DHRS12: variants seen among roughly 807,000 people sequenced by gnomAD.
DHRS12 encodes dehydrogenase/reductase 12, also known as dehydrogenase/reductase SDR family member 12.
A neutral mutation model predicts 32.1 loss-of-function variants in DHRS12; 29 were observed. That is an observed-to-expected ratio of 0.90 (90% CI 0.67 to 1.23). The LOEUF (loss-of-function observed/expected upper bound fraction) is 1.23. DHRS12 is among the 50% of genes most tolerant of loss of function. The pLI, the probability that DHRS12 is intolerant of heterozygous loss-of-function variation, is 0.00. For missense variants in DHRS12, 330 were observed against 337.2 expected, an observed-to-expected ratio of 0.98 and a Z score of 0.17; for synonymous variants, 150 against 135.9, an observed-to-expected ratio of 1.10 and a Z score of -0.72.
Position 51,768,046 on chromosome 13 carries a change from C to G in DHRS12, c.*141G>C. 7.0e-7 allele frequency: 1 copy of G among 1,436,050 alleles called. No homozygotes were observed. The highest frequency in any genetic ancestry group is 9.1e-7 in the Non-Finnish European group (1 of 1,099,150). The allele number at this position is 1,436,050 out of a possible 1,614,324, so 89.0% of individuals were successfully genotyped here. On this transcript the variant is annotated 3_prime_UTR_variant, in exon 9 of 9. Coordinates refer to ENST00000444610, the MANE Select transcript of DHRS12 (RefSeq NM_001377533.1). Reference sequence around the variant, plus strand: ...TAGTATTTATTTTGAAATAAAAGTTCCCATCCCTTGTAGGCCTCGCTGTGA... The same window carrying G: ...TAGTATTTATTTTGAAATAAAAGTTGCCATCCCTTGTAGGCCTCGCTGTGA...
chr13:51,797,479 G>A (rs975081132), intron 2 of DHRS12, among the ~76,000 whole-genome samples: 2 of 152,154 alleles, frequency 1.3e-5, no homozygotes, highest in Non-Finnish European at 2.9e-5. Context: ...GCATGGCTCC[G>A]TGGCACCCGG....
downstream of DHRS12, chr13:51,767,362 A>C (rs542464931): frequency 3.0e-4 from 45 of 152,350 alleles, no homozygotes; most frequent in Admixed American, 2.7e-3. Flanking sequence ...CTGATGTTTC[A>C]GGCTGGCACA....
chr13:51,792,478 C>A (rs190635819), intron 2 of DHRS12, among the ~76,000 whole-genome samples: 407 of 152,220 alleles, frequency 2.7e-3, no homozygotes, highest in Middle Eastern at 0.01. Context: ...TGGCTCACTG[C>A]AACCTCCGCC....
intron 2 of DHRS12, among the ~76,000 whole-genome samples, chr13:51,798,833 A>C (rs1955624611): frequency 6.6e-6 from 1 of 152,188 alleles, no homozygotes; most frequent in Non-Finnish European, 1.5e-5. Flanking sequence ...CTCTGGAGAG[A>C]TGCAGCAAAC....
intron 4 of DHRS12, among the ~76,000 whole-genome samples, chr13:51,787,650 C>A (rs1306772888): frequency 1.4e-5 from 2 of 143,462 alleles, no homozygotes; most frequent in African/African-American, 5.2e-5. Flanking sequence ...TCCATTATAG[C>A]ACTAAATTAA....
rs573015044 is a variant in DHRS12, at chr13:51,783,835, C to T, written c.301+6176G>A. ...TTGTTTTGTACATTGACATTTTGTG[C>T]CTTTTTATTGCTGAATTGCATTCCA... On this transcript the variant is annotated intron_variant, in intron 4 of 8. Coordinates refer to ENST00000444610, the MANE Select transcript of DHRS12 (RefSeq NM_001377533.1). 2.4e-4 allele frequency among the ~76,000 whole-genome samples: 37 copies of T among 152,286 alleles called. No homozygotes were observed. In the South Asian group the frequency reaches 7.7e-3, roughly 32 times the overall value.
chr13:51,762,671 T>G, the DHRS12 span: 2 of 152,256 alleles, frequency 1.3e-5, no homozygotes, highest in Non-Finnish European at 2.9e-5. Flanking sequence ...GCGCCAGCAC[T>G]TGGCTCTTGT....
At chr13:51,772,655 A>C (rs1471021748) in intron 6 of DHRS12, 5 of 985,350 alleles carry the variant, frequency 5.1e-6, no homozygotes, top group Admixed American at 1.2e-4. Context: ...AGAATACATC[A>C]GTTATAGACA....
chr13:51,795,271 T>C (rs940237791), intron 2 of DHRS12, among the ~76,000 whole-genome samples: 4 of 152,250 alleles, frequency 2.6e-5, no homozygotes, highest in Admixed American at 1.3e-4. Flanking sequence ...CTACCACACA[T>C]CTTTTCTGCT....
intron 4 of DHRS12, chr13:51,789,400 G>A (rs944246135): frequency 3.4e-6 from 1 of 292,564 alleles, no homozygotes; most frequent in Non-Finnish European, 5.1e-6. Context: ...CATCCAGAAG[G>A]CCTGTCAAAC....
Position 51,791,201 on chromosome 13 carries a change from A to T in DHRS12, c.183T>A (p.Val61=). 1 of 1,583,306 alleles carries T rather than the reference A, an allele frequency of 6.3e-7. No individual in the cohort carries two copies. The highest frequency in any genetic ancestry group is 8.6e-7 in the Non-Finnish European group (1 of 1,163,106). The part of the protein sequence containing the change: ...LSDPKQIWKF[V]ENFKQEHKLH... ...GTTTATGTTCCTGCTTGAAATTTTC[A>T]ACAAATTTCCAGATTTGCTTGGGAT... Residue 61 remains valine, a synonymous_variant, in exon 3 of 9, where the codon GTT becomes GTA. Coordinates refer to ENST00000444610, the MANE Select transcript of DHRS12 (RefSeq NM_001377533.1).
rs573159044 is a variant in DHRS12, at chr13:51,790,071, C to G, written c.241G>C (p.Val81Leu). The change falls in exon 4 of 9, where the codon GTC becomes CTC. Residue 81 changes from valine to leucine, a missense_variant. By Grantham distance (32) the Val-to-Leu change is conservative. Transcript: ENST00000444610. Reference protein sequence around the residue: ...HVLINNAGCMVNKRELTEDGL... With the variant: ...HVLINNAGCMLNKRELTEDGL... ...TCTTCTGTGAGCTCTCTTTTATTGA[C>G]CATGCAACCTGCATTATTGATCTAA... 1 of 1,596,492 alleles carries G rather than the reference C, an allele frequency of 6.3e-7. No individual in the cohort carries two copies. Among genetic ancestry groups the G allele is most frequent in the Non-Finnish European group, 8.5e-7 (1 of 1,174,294 alleles).
chr13:51,784,937 T>C (rs1258305025), intron 4 of DHRS12, among the ~76,000 whole-genome samples: 1 of 152,224 alleles, frequency 6.6e-6, no homozygotes, highest in African/African-American at 2.4e-5. Flanking sequence ...TATAAATGTT[T>C]ATGTAACAAG....
chr13:51,759,179 T>C, the DHRS12 span, among the ~76,000 whole-genome samples: 5 of 152,196 alleles, frequency 3.3e-5, no homozygotes, highest in Non-Finnish European at 5.9e-5. Context: ...AGACCCTGTC[T>C]CAAAATAATT....
intron 5 of DHRS12, chr13:51,774,376 TGTATTCTACA>T: frequency 2.1e-5 from 3 of 145,130 alleles, no homozygotes; most frequent in East Asian, 2.1e-4. Flanking sequence ...TTCTCCTACA[TGTATTCTACA>T]GTATTCTCCT....
At chr13:51,771,287 G>A (rs1167593838) in intron 7 of DHRS12, 2 of 1,558,686 alleles carry the variant, frequency 1.3e-6, no homozygotes, top group South Asian at 2.4e-5. Flanking sequence ...GAGCCCAGGT[G>A]AGCTGCCTGA....
intron 1 of DHRS12, 138 bp downstream of exon 1, chr13:51,803,916 C>T: frequency 1.3e-6 from 1 of 788,224 alleles, no homozygotes; most frequent in Non-Finnish European, 1.7e-6. Context: ...GGCGGGCGCA[C>T]CCGTCGTTCT....
At chr13:51,795,154 T>G (rs926352874) in intron 2 of DHRS12, among the ~76,000 whole-genome samples, 4 of 152,170 alleles carry the variant, frequency 2.6e-5, no homozygotes, top group Non-Finnish European at 5.9e-5. Flanking sequence ...CTGGCTCAGC[T>G]GGCCTGCCGC....
At chr13:51,770,259 G>A (rs550210713) in intron 7 of DHRS12, among the ~76,000 whole-genome samples, 5 of 152,282 alleles carry the variant, frequency 3.3e-5, no homozygotes, top group Middle Eastern at 3.4e-3. Context: ...GTCACTCCGC[G>A]GTGACACATG....
Sources: gnomAD v4.1 joint callset for allele counts (sites outside exome capture counted in the v4.1 genomes callset) on GRCh38, gnomAD v4.1.1 for gene constraint, MANE v1.5 for transcripts, NCBI Gene and HGNC (gene_info 2026-07-23, HGNC 2026-07-21) for gene names.